The following TJP1 variants were observed in gnomAD, a reference collection of about 807,000 sequenced individuals.
TJP1 encodes tight junction protein ZO-1.
Under a neutral mutation model 194.2 loss-of-function variants are expected in TJP1, and 43 were observed. The ratio of observed to expected loss-of-function variants is 0.22; its 90% confidence interval spans 0.17 to 0.29. The LOEUF (loss-of-function observed/expected upper bound fraction) is 0.29. Among genes scored for constraint, TJP1 ranks in the 10% least tolerant of loss-of-function variants. TJP1 has a pLI of 1.00. For missense variants in TJP1, 1,971 were observed against 2,185.7 expected (o/e 0.90, Z 1.96); for synonymous variants, 801 against 779.0 (o/e 1.03, Z -0.47).
chr15:29,905,581 C>G (rs2053780708), intron 2 of TJP1, among the ~76,000 whole-genome samples: 1 of 152,194 alleles, frequency 6.6e-6, no homozygotes, highest in Admixed American at 6.5e-5. Context: ...CAGCTTTAAT[C>G]ATAATTGCCA....
intron 2 of TJP1, among the ~76,000 whole-genome samples, chr15:29,952,686 T>C (rs921156215): frequency 1.3e-5 from 2 of 152,188 alleles, no homozygotes; most frequent in South Asian, 2.1e-4. Context: ...CTGTTAGTTA[T>C]ACAAATTTGA....
intron 2 of TJP1, among the ~76,000 whole-genome samples, chr15:29,795,989 G>C (rs2048377599): frequency 6.6e-6 from 1 of 151,784 alleles, no homozygotes; most frequent in African/African-American, 2.4e-5. Flanking sequence ...AGTAAACTAA[G>C]ATAAAAGGGA....
intron 2 of TJP1, among the ~76,000 whole-genome samples, chr15:29,858,861 T>G (rs905948560): frequency 9.9e-5 from 15 of 152,144 alleles, no homozygotes; most frequent in African/African-American, 3.4e-4. Context: ...GGTAAGCTAA[T>G]TTTTGTATAT....
rs1383118963 is a variant in TJP1, at chr15:29,846,605, C to G, written c.307-45903G>C. Among the ~76,000 whole-genome samples, 3 of 151,974 alleles carry G rather than the reference C, an allele frequency of 2.0e-5. No homozygotes were observed. The East Asian group carries it at 5.8e-4, about 29-fold the overall frequency. On this transcript the variant is annotated intron_variant, in intron 2 of 28. Coordinates refer to the TJP1 transcript ENST00000356107. ...TTGGAGCAGTGGAAATCTTAAAGAG[C>G]CAGGGGTCAACATATCAGCCCTACA...
At chr15:29,885,151 G>C (rs892037691) in intron 2 of TJP1, among the ~76,000 whole-genome samples, 6 of 152,124 alleles carry the variant, frequency 3.9e-5, no homozygotes, top group Non-Finnish European at 7.4e-5. Flanking sequence ...TTCTGTTGTA[G>C]ATCTCGATCC....
At chr15:29,931,367 G>C (rs1173577003) in intron 2 of TJP1, among the ~76,000 whole-genome samples, 2 of 152,244 alleles carry the variant, frequency 1.3e-5, no homozygotes, top group Admixed American at 1.3e-4. Context: ...AGGGTCAACT[G>C]TAAGTCATGT....
At chr15:29,953,430 C>T (rs940894445) in intron 2 of TJP1, among the ~76,000 whole-genome samples, 2 of 152,078 alleles carry the variant, frequency 1.3e-5, no homozygotes, top group African/African-American at 4.8e-5. Flanking sequence ...ACGTGAGCCA[C>T]CATGCCTGGC....
chr15:29,705,429 G>C (rs147116155), intron 26 of TJP1, 99 bp downstream of exon 26: 1 of 1,233,572 alleles, frequency 8.1e-7, no homozygotes, highest in Non-Finnish European at 1.1e-6. Context: ...TCTGGAGATA[G>C]AGAGGTGCTG....
At chr15:29,846,044 G>A (rs1479169000) in intron 2 of TJP1, among the ~76,000 whole-genome samples, 3 of 152,002 alleles carry the variant, frequency 2.0e-5, no homozygotes, top group African/African-American at 7.2e-5. Flanking sequence ...CCAACTCACT[G>A]CACTCACACC....
chr15:29,700,182 T>C lies in TJP1; in HGVS notation c.*1413A>G, dbSNP rs147528387. ...TTTAAAAAGTTTTATTTTGGAGATT[T>C]AGAAATTTGAGATTTTTAATAACGG... is the stretch of plus-strand genomic sequence containing the variant. On this transcript the variant is annotated 3_prime_UTR_variant, in exon 28 of 28. Transcript: ENST00000614355. The C allele has an allele frequency of 2.5e-6, 1 of 398,778 alleles. No homozygotes were observed. The highest frequency in any genetic ancestry group is 3.6e-5 in the East Asian group (1 of 28,040). The allele number at this position is 398,778 out of a possible 1,614,324, so 24.7% of individuals were successfully genotyped here. A position where few individuals can be genotyped will look rare whatever the true frequency, so the allele number is the denominator to read the frequency against.
rs1173978267 is a variant in TJP1 at position 29,720,560 on chromosome 15, G to C, written c.2561C>G (p.Thr854Ser). ...AAGAGTTTCATCTAGTTCTTGATCA[G>C]TGTAGGCCCCGCCTTCTGTGTCTGT... The part of the protein sequence containing the change: ...EDTDTEGGAY[T>S]DQELDETLND... Residue 854 changes from threonine to serine, a missense_variant, in exon 19 of 28, where the codon ACT becomes AGT. By Grantham distance (58) the Thr-to-Ser change is moderately conservative. Coordinates refer to ENST00000614355, the MANE Select transcript of TJP1 (RefSeq NM_001330239.4). The C allele has an allele frequency of 6.2e-7, 1 of 1,614,114 alleles. No homozygotes were observed. The highest frequency in any genetic ancestry group is 1.7e-5 in the Admixed American group (1 of 60,030).
chr15:29,714,391 A>C (rs1595586490), intron 23 of TJP1, among the ~76,000 whole-genome samples: 1 of 151,286 alleles, frequency 6.6e-6, no homozygotes, highest in East Asian at 1.9e-4. Context: ...GGCACCTGCC[A>C]CCATGCCCAG....
At chr15:29,901,438 T>TCCC (rs1460064837) in intron 2 of TJP1, among the ~76,000 whole-genome samples, 3 of 152,186 alleles carry the variant, frequency 2.0e-5, no homozygotes, top group African/African-American at 4.8e-5. Context: ...CAAGTCCTGA[T>TCCC]CCCCACTCCT....
rs148277781 is a variant in TJP1 at position 29,902,126 on chromosome 15, A to G, written c.306+54106T>C. 3.2e-3 allele frequency among the ~76,000 whole-genome samples: 492 copies of G among 152,366 alleles called. 7 individuals carry two copies. The highest frequency in any genetic ancestry group is 0.011 in the African/African-American group (473 of 41,592). On this transcript the variant is annotated intron_variant, in intron 2 of 28. Transcript: ENST00000356107. Reference sequence around the variant, plus strand: ...CCAGATAGTAAATGAAATTTTTACTATCATATTTTATTCTTTAATTTGAAT... The same window carrying G: ...CCAGATAGTAAATGAAATTTTTACTGTCATATTTTATTCTTTAATTTGAAT...
At chr15:29,932,320 C>T (rs2054745082) in intron 2 of TJP1, among the ~76,000 whole-genome samples, 1 of 152,104 alleles carries the variant, frequency 6.6e-6, no homozygotes, top group South Asian at 2.1e-4. Flanking sequence ...AAGAGAGAAA[C>T]AAATCCACAC....
In TJP1 at chr15:29,773,128, G is replaced by C; in HGVS notation, c.209+105C>G. ...ATATATGAAGCATGGCACAGGTGGA[G>C]TGTGAATATGACAAAATCACTAAGA... On this transcript the variant is annotated intron_variant, in intron 3 of 27. Transcript: ENST00000614355. The C allele has an allele frequency of 4.5e-6, 6 of 1,322,684 alleles. No individual in the cohort carries two copies. In the Middle Eastern group the frequency reaches 1.2e-3, roughly 260 times the overall value. 81.9% of individuals were successfully genotyped at this position (1,322,684 alleles called of 1,614,324 possible).
chr15:29,736,912 A>G (rs1394516159), intron 11 of TJP1, among the ~76,000 whole-genome samples: 2 of 152,242 alleles, frequency 1.3e-5, no homozygotes, highest in African/African-American at 4.8e-5. Context: ...CCCATGGCAG[A>G]GTCCTGCCAG....
At chr15:29,746,150 G>A (rs1274168004) in intron 8 of TJP1, among the ~76,000 whole-genome samples, 6 of 152,156 alleles carry the variant, frequency 3.9e-5, no homozygotes, top group East Asian at 3.9e-4. Flanking sequence ...AGGCTGAGGC[G>A]GGCGGATCAC....
In TJP1 at chr15:29,714,530, G is replaced by A. The variant is rs528290191; in HGVS notation, c.4202+2081C>T. Among the ~76,000 whole-genome samples, 622 of 132,756 alleles carry A rather than the reference G, an allele frequency of 4.7e-3. 3 individuals are homozygous for A. Among genetic ancestry groups the A allele is most frequent in the Middle Eastern group, 0.011 (2 of 182 alleles). 87.1% of individuals were successfully genotyped at this position (132,756 alleles called of 152,430 possible). On this transcript the variant is annotated intron_variant, in intron 23 of 27. Transcript: ENST00000614355. ...TGGGAGTACAGGCGTGAGCCACTGCGCCCAGCCTTTTTTTTTTTTTTTTTT... is the reference window on the plus strand; with the variant it reads ...TGGGAGTACAGGCGTGAGCCACTGCACCCAGCCTTTTTTTTTTTTTTTTTT...
Sources: allele counts gnomAD v4.1 joint callset (sites outside exome capture counted in the v4.1 genomes callset), GRCh38; gene constraint gnomAD v4.1.1; transcripts MANE v1.5; gene names NCBI Gene and HGNC (gene_info 2026-07-23, HGNC 2026-07-21).